Variants in EPHA6 observed in about 807,000 individuals in gnomAD.
EPHA6 encodes the protein EPH receptor A6, also known as ephrin type-A receptor 6.
A neutral mutation model predicts 112.0 loss-of-function variants in EPHA6; 50 were observed. The ratio of observed to expected loss-of-function variants is 0.45; its 90% CI spans 0.36 to 0.56. EPHA6 has a LOEUF of 0.56. Ranked by LOEUF, EPHA6 falls within the 20% of genes least tolerant of loss-of-function variation. The pLI, the probability that EPHA6 is intolerant of heterozygous loss-of-function variation, is 0.00. For synonymous variants in EPHA6, 529 were observed against 490.7 expected (o/e 1.08, Z -1.03); for missense variants, 1,280 against 1,417.4 (o/e 0.90, Z 1.56).
intron 1 of EPHA6, among the ~76,000 whole-genome samples, chr3:96,854,982 C>A (rs1489368654): frequency 2.0e-5 from 3 of 152,066 alleles, no homozygotes; most frequent in Non-Finnish European, 4.4e-5. Context: ...AGGCTAAAAC[C>A]AAGGTGTTAG....
intron 3 of EPHA6, among the ~76,000 whole-genome samples, chr3:97,201,620 T>G (rs1216290108): frequency 6.6e-6 from 1 of 152,144 alleles, no homozygotes; most frequent in Non-Finnish European, 1.5e-5. Flanking sequence ...AAAGCAAATA[T>G]TAAGTCCTTT....
At chr3:96,900,525 C>T (rs890306666) in intron 2 of EPHA6, among the ~76,000 whole-genome samples, 2 of 152,162 alleles carry the variant, frequency 1.3e-5, no homozygotes, top group African/African-American at 4.8e-5. Context: ...AATACTCTGA[C>T]ACCCATGGAT....
At chr3:97,044,531 A>T (rs999492123) in intron 3 of EPHA6, among the ~76,000 whole-genome samples, 2 of 152,164 alleles carry the variant, frequency 1.3e-5, no homozygotes, top group African/African-American at 4.8e-5. Flanking sequence ...ATGTTCTCAG[A>T]TTTTACCAAC....
At chr3:96,865,541 G>A (rs1028537829) in intron 1 of EPHA6, among the ~76,000 whole-genome samples, 3 of 151,692 alleles carry the variant, frequency 2.0e-5, no homozygotes, top group Non-Finnish European at 4.4e-5. Context: ...AATTAGCTGG[G>A]CACAGTGGTG....
chr3:97,630,420 A>G lies in EPHA6; in HGVS notation c.2575-7453A>G, dbSNP rs575916387. ...AGAGTGATTTGGTGTTTTGAAATCT[A>G]TAAATAATCCCAAACATTTCTTTTT... On this transcript the variant is annotated intron_variant, in intron 13 of 17. Transcript: ENST00000389672. 2.6e-5 allele frequency among the ~76,000 whole-genome samples: 4 copies of G among 152,160 alleles called. No homozygotes were observed. The South Asian group carries it at 8.3e-4, about 31-fold the overall frequency.
chr3:97,161,292 G>T (rs994702893), intron 3 of EPHA6, among the ~76,000 whole-genome samples: 1 of 152,118 alleles, frequency 6.6e-6, no homozygotes, highest in Non-Finnish European at 1.5e-5. Flanking sequence ...CAATGGTTTT[G>T]CTCTAAAATC....
At chr3:97,001,660 A>G (rs2107905636) in intron 3 of EPHA6, among the ~76,000 whole-genome samples, 1 of 152,158 alleles carries the variant, frequency 6.6e-6, no homozygotes, top group African/African-American at 2.4e-5. Context: ...TAAATAAATC[A>G]ATATTATTAC....
chr3:97,284,571 C>T (rs2080400881), intron 5 of EPHA6, among the ~76,000 whole-genome samples: 1 of 152,146 alleles, frequency 6.6e-6, no homozygotes, highest in Non-Finnish European at 1.5e-5. Flanking sequence ...TTTCTAAAAA[C>T]ATCATCTCCA....
intron 3 of EPHA6, among the ~76,000 whole-genome samples, chr3:97,183,115 A>T (rs2077035061): frequency 6.6e-6 from 1 of 152,088 alleles, no homozygotes; most frequent in African/African-American, 2.4e-5. Flanking sequence ...ATTTAATAAC[A>T]CTGTGCAATT....
intron 3 of EPHA6, among the ~76,000 whole-genome samples, chr3:97,047,314 C>T (rs1439182785): frequency 6.6e-6 from 1 of 151,778 alleles, no homozygotes; most frequent in African/African-American, 2.4e-5. Context: ...TCCTGGCTAA[C>T]ATGGTGAAAC....
intron 14 of EPHA6, among the ~76,000 whole-genome samples, chr3:97,716,574 C>CAAAAAAAAAAAA (rs1218426459): frequency 8.0e-5 from 3 of 37,268 alleles, no homozygotes; most frequent in African/African-American, 3.4e-4. Context: ...GACTCCGTCT[C>CAAAAAAAAAAAA]AAAAAAAAAA....
intron 12 of EPHA6, among the ~76,000 whole-genome samples, chr3:97,598,329 T>A (rs181672883): frequency 0.01 from 1,547 of 151,444 alleles, 28 homozygotes; most frequent in African/African-American, 0.036. Flanking sequence ...GTTAATTACA[T>A]ATGTATACAT....
At chr3:97,112,248 A>G (rs2047745830) in intron 3 of EPHA6, among the ~76,000 whole-genome samples, 1 of 152,122 alleles carries the variant, frequency 6.6e-6, no homozygotes, top group Admixed American at 6.6e-5. Context: ...GTATGCCTTT[A>G]TTTTGAGACG....
chr3:97,652,341 G>T (rs578111170), intron 14 of EPHA6, among the ~76,000 whole-genome samples: 3,408 of 152,072 alleles, frequency 0.022, 110 homozygotes, highest in African/African-American at 0.076. Context: ...GGTTATTTAT[G>T]CTGTTTGCAA....
In EPHA6 at chr3:97,448,572, A is replaced by T; in HGVS notation, c.1736A>T (p.His579Leu). 1 of 1,613,366 alleles carries T rather than the reference A, an allele frequency of 6.2e-7. No homozygotes were observed. Among genetic ancestry groups the T allele is most frequent in the Non-Finnish European group, 8.5e-7 (1 of 1,179,450 alleles). Residue 579 changes from histidine (H) to leucine (L), a missense_variant, in exon 7 of 18, where the codon CAT (histidine) becomes CTT (leucine). His to Leu is a moderately conservative substitution (Grantham distance 99). Coordinates refer to ENST00000389672, the MANE Select transcript of EPHA6 (RefSeq NM_001080448.3). ...DYEIKYYEKE[H>L]EQLTYSSTRS... ...TCCTTTTTTTCTGTCCCCCAGGAACATGAGCAGCTGACCTACTCTTCCACA... is the reference window on the plus strand; with the variant it reads ...TCCTTTTTTTCTGTCCCCCAGGAACTTGAGCAGCTGACCTACTCTTCCACA...
At chr3:97,055,688 A>G (rs908306406) in intron 3 of EPHA6, among the ~76,000 whole-genome samples, 6 of 152,190 alleles carry the variant, frequency 3.9e-5, no homozygotes, top group Non-Finnish European at 5.9e-5. Flanking sequence ...TGATTTTTCT[A>G]ATAGCAAATC....
chr3:97,067,387 T>C (rs1164009462), intron 3 of EPHA6, among the ~76,000 whole-genome samples: 2 of 152,118 alleles, frequency 1.3e-5, no homozygotes, highest in Non-Finnish European at 2.9e-5. Context: ...TTCAAACTTC[T>C]ATATTTTAGT....
intron 3 of EPHA6, among the ~76,000 whole-genome samples, chr3:97,090,345 T>C (rs1480193856): frequency 6.6e-6 from 1 of 152,096 alleles, no homozygotes; most frequent in East Asian, 1.9e-4. Context: ...AAATTATGGC[T>C]TTATACATTT....
chr3:97,508,326 T>C (rs140822857), intron 10 of EPHA6, among the ~76,000 whole-genome samples: 256 of 152,320 alleles, frequency 1.7e-3, no homozygotes, highest in African/African-American at 6.0e-3. Context: ...CTCTAAACAC[T>C]GCTTTAGCTG....
Sources: allele counts gnomAD v4.1 joint callset (sites outside exome capture counted in the v4.1 genomes callset), GRCh38; gene constraint gnomAD v4.1.1; transcripts MANE v1.5; gene names NCBI Gene and HGNC (gene_info 2026-07-23, HGNC 2026-07-21).